Variants in PCDHGB3 observed in about 807,000 individuals in gnomAD.
The protein encoded by PCDHGB3 is protocadherin gamma subfamily B, 3.
PCDHGB3 carries 40 observed loss-of-function variants against 59.2 expected under a neutral mutation model. The observed-to-expected ratio is 0.68, with a 90% CI of 0.52 to 0.88. The LOEUF (loss-of-function observed/expected upper bound fraction) is 0.88. PCDHGB3 is among the 40% of genes least tolerant of loss of function. The pLI is 0.00. For synonymous variants in PCDHGB3, 581 were observed against 503.6 expected, an observed-to-expected ratio of 1.15 and a Z score of -2.06; for missense variants, 1,309 against 1,187.9, an observed-to-expected ratio of 1.10 and a Z score of -1.50.
At position 141,372,647 on chromosome 5, in the gene PCDHGB3, C is replaced by T. The variant is rs1768941423; in HGVS notation, c.2253C>T (p.Ser751=). Reference sequence around the variant, plus strand: ...ACAGCGAAAGGACTTTGCCTTATTCCTACAATCCGTGTGCTGCCTCACATT... The same window carrying T: ...ACAGCGAAAGGACTTTGCCTTATTCTTACAATCCGTGTGCTGCCTCACATT... ...PTYSERTLPY[S]YNPCAASHSS... is the part of the protein sequence containing the mutation. The change falls in exon 1 of 4, where the codon TCC becomes TCT. Residue 751 remains serine (S), a synonymous_variant. Coordinates refer to ENST00000576222, the MANE Select transcript of PCDHGB3 (RefSeq NM_018924.5). 3 of 1,613,918 alleles carry T rather than the reference C, an allele frequency of 1.9e-6. No homozygotes were observed. Among genetic ancestry groups the T allele is most frequent in the South Asian group, 2.2e-5 (2 of 91,088 alleles).
intron 1 of PCDHGB3, chr5:141,408,616 A>C (rs1242634693): frequency 6.2e-7 from 1 of 1,614,052 alleles, no homozygotes. Flanking sequence ...AAAAGGAAAT[A>C]CATTTAGAAA....
Position 141,386,264 on chromosome 5 carries a change from A to T in PCDHGB3, c.2415+13455A>T, listed in dbSNP as rs115810695. Among the ~76,000 whole-genome samples the T allele has an allele frequency of 6.0e-3, 910 of 152,346 alleles. 6 individuals are homozygous for T. Among genetic ancestry groups the T allele is most frequent in the African/African-American group, 0.02 (846 of 41,566 alleles). On this transcript the variant is annotated intron_variant, in intron 1 of 3. Coordinates refer to ENST00000576222, the MANE Select transcript of PCDHGB3 (RefSeq NM_018924.5). ...TTGGAAATAACCCAATCTGGGATTA[A>T]CTACTTCCATATTCTTTTGTATAAC...
At chr5:141,478,712 G>T in intron 1 of PCDHGB3, 1 of 1,547,046 alleles carries the variant, frequency 6.5e-7, no homozygotes, top group Non-Finnish European at 8.7e-7. Flanking sequence ...TTTGTGAGAT[G>T]GTGGCCTGCC....
chr5:141,442,774 AT>A (rs2098342677), intron 1 of PCDHGB3, among the ~76,000 whole-genome samples: 1 of 152,188 alleles, frequency 6.6e-6, no homozygotes, highest in Non-Finnish European at 1.5e-5. Flanking sequence ...TATGTGTTTG[AT>A]TATATTTTAT....
chr5:141,403,927 G>A, intron 1 of PCDHGB3: 3 of 1,613,852 alleles, frequency 1.9e-6, no homozygotes, highest in East Asian at 2.2e-5. Context: ...AAGATGGTGG[G>A]GGATTGAAAG....
rs781367282 is a variant in PCDHGB3 at position 141,485,525 on chromosome 5, C to G, written c.2416-9282C>G. On this transcript the variant is annotated intron_variant, in intron 1 of 3. Transcript: ENST00000576222. This position sits in a 1 kb window ranked among gnomAD's most constrained non-coding sequence, Gnocchi z 5.7. ...CACCGAAGGTCCTTTGGAAATGTAC[C>G]GAGCAGAGGTAGAGATCGTAGATGT... is the stretch of plus-strand genomic sequence containing the variant. 5 of 1,614,122 alleles carry G rather than the reference C, an allele frequency of 3.1e-6. No homozygotes were observed. The highest frequency in any genetic ancestry group is 2.5e-6 in the Non-Finnish European group (3 of 1,180,022).
At chr5:141,427,557 A>G (rs1437024906) in intron 1 of PCDHGB3, 1 of 650,060 alleles carries the variant, frequency 1.5e-6, no homozygotes, top group Non-Finnish European at 2.8e-6. Flanking sequence ...TGCCACTGAC[A>G]AGGGCAAGCC....
intron 2 of PCDHGB3, among the ~76,000 whole-genome samples, chr5:141,502,056 C>T (rs1163976282): frequency 1.3e-5 from 2 of 152,116 alleles, no homozygotes; most frequent in Non-Finnish European, 2.9e-5. Flanking sequence ...CTACTTTATT[C>T]CCATTAGCCC....
intron 1 of PCDHGB3, chr5:141,405,044 G>A (rs769617162): frequency 6.2e-7 from 1 of 1,613,938 alleles, no homozygotes; most frequent in Admixed American, 1.7e-5. Context: ...TGTGGCTGTG[G>A]CAGTCGTCTC....
intron 1 of PCDHGB3, among the ~76,000 whole-genome samples, chr5:141,456,778 C>T (rs568292085): frequency 3.7e-4 from 57 of 152,242 alleles, no homozygotes; most frequent in African/African-American, 1.3e-3. Flanking sequence ...GCCTGGCCTA[C>T]ATGGCAAAAC....
At chr5:141,471,508 G>A (rs1262338812) in intron 1 of PCDHGB3, 3 of 152,216 alleles carry the variant, frequency 2.0e-5, no homozygotes, top group African/African-American at 7.2e-5. Context: ...AAGAGAGGGA[G>A]TAAAAATAAC....
At chr5:141,508,718 G>T (rs2099871076) in intron 3 of PCDHGB3, among the ~76,000 whole-genome samples, 1 of 151,852 alleles carries the variant, frequency 6.6e-6, no homozygotes, top group Non-Finnish European at 1.5e-5. Flanking sequence ...TTTTCTGTGT[G>T]CAGGGAGACT....
intron 1 of PCDHGB3, among the ~76,000 whole-genome samples, chr5:141,488,738 A>G (rs1462948813): frequency 1.3e-5 from 2 of 152,222 alleles, no homozygotes; most frequent in Non-Finnish European, 2.9e-5. Context: ...TTCTGAAGTC[A>G]TGCAGGAAGT....
At chr5:141,378,926 T>C (rs1342547905) in intron 1 of PCDHGB3, 1 of 152,216 alleles carries the variant, frequency 6.6e-6, no homozygotes, top group Non-Finnish European at 1.5e-5. Flanking sequence ...AAAAGTAAGT[T>C]GATGGCCCTG....
chr5:141,493,937 A>G lies in PCDHGB3; in HGVS notation c.2416-870A>G, dbSNP rs931274307. Among the ~76,000 whole-genome samples the G allele has an allele frequency of 6.6e-6, 1 of 152,212 alleles. No individual in the cohort carries two copies. The highest frequency in any genetic ancestry group is 1.5e-5 in the Non-Finnish European group (1 of 68,022). ...GGATAACACACCCCCTGGAAAGACCAGAAGGGACTCAGGAATGAAGTGGCT... is the reference window on the plus strand; with the variant it reads ...GGATAACACACCCCCTGGAAAGACCGGAAGGGACTCAGGAATGAAGTGGCT... On this transcript the variant is annotated intron_variant, in intron 1 of 3. Coordinates refer to ENST00000576222, the MANE Select transcript of PCDHGB3 (RefSeq NM_018924.5). This position sits in a 1 kb window ranked among gnomAD's most constrained non-coding sequence, Gnocchi z 4.3.
intron 1 of PCDHGB3, chr5:141,423,755 G>A (rs1236551808): frequency 2.5e-5 from 13 of 512,416 alleles, no homozygotes; most frequent in Non-Finnish European, 3.4e-5. Context: ...CTGTTTGGGG[G>A]GGGGGTGGGG....
intron 1 of PCDHGB3, chr5:141,478,588 T>G (rs2099465964): frequency 6.3e-7 from 1 of 1,575,000 alleles, no homozygotes; most frequent in African/African-American, 1.4e-5. Flanking sequence ...TAGTGCTTTT[T>G]TATTCCTACA....
rs761492460 is a variant in PCDHGB3, at chr5:141,389,630, T to C, written c.2415+16821T>C. The C allele has an allele frequency of 9.9e-6, 16 of 1,612,872 alleles. No homozygotes were observed. The Admixed American group carries it at 1.8e-4, about 18-fold the overall frequency. ...ATATGGTGCCGCACGCTGCAGAGCC[T>C]GGCTACTTGGTGACCAAGGTAGTGG... On this transcript the variant is annotated intron_variant, in intron 1 of 3. Coordinates refer to ENST00000576222, the MANE Select transcript of PCDHGB3 (RefSeq NM_018924.5).
chr5:141,486,409 C>G lies in PCDHGB3; in HGVS notation c.2416-8398C>G, dbSNP rs1396288134. On this transcript the variant is annotated intron_variant, in intron 1 of 3. Coordinates refer to ENST00000576222, the MANE Select transcript of PCDHGB3 (RefSeq NM_018924.5). The surrounding 1 kb of genome is among the most constrained non-coding windows in gnomAD (Gnocchi z 5.0). Reference sequence around the variant, plus strand: ...AGTTCTCCCTGGTGACTGCTGGACCCTTGGATCGAGAGGCCAAATCTAGCT... The same window carrying G: ...AGTTCTCCCTGGTGACTGCTGGACCGTTGGATCGAGAGGCCAAATCTAGCT... 6.2e-7 allele frequency: 1 copy of G among 1,614,170 alleles called. No individual in the cohort carries two copies. Among genetic ancestry groups the G allele is most frequent in the East Asian group, 2.2e-5 (1 of 44,874 alleles).
Sources: allele counts gnomAD v4.1 joint callset (sites outside exome capture counted in the v4.1 genomes callset), GRCh38; gene constraint gnomAD v4.1.1; non-coding constraint Gnocchi (gnomAD v3.1); transcripts MANE v1.5; gene names NCBI Gene and HGNC (gene_info 2026-07-23, HGNC 2026-07-21).